Variants in LMO7 observed in about 807,000 individuals in gnomAD.
The protein encoded by LMO7 is LIM domain only protein 7.
In LMO7, 120 loss-of-function variants were observed where a neutral mutation model predicts 206.5. That is an observed-to-expected ratio of 0.58 (90% CI 0.50 to 0.68). LMO7 has a LOEUF of 0.68. Ranked by LOEUF, LMO7 falls within the 30% of genes least tolerant of loss-of-function variation. The pLI is 0.00. For synonymous variants in LMO7, 706 were observed against 681.5 expected, an observed-to-expected ratio of 1.04 and a Z score of -0.56; for missense variants, 1,959 against 1,957.9, an observed-to-expected ratio of 1.00 and a Z score of -0.01.
intron 3 of LMO7, among the ~76,000 whole-genome samples, chr13:75,728,779 A>G (rs1594571814): frequency 7.3e-6 from 1 of 136,706 alleles, no homozygotes; most frequent in Admixed American, 7.1e-5. Flanking sequence ...TAAGTCTTTA[A>G]TCCATCTTGA....
chr13:75,703,298 G>T (rs1037235982), intron 1 of LMO7, among the ~76,000 whole-genome samples: 22 of 152,172 alleles, frequency 1.4e-4, no homozygotes, highest in Admixed American at 1.4e-3. Context: ...CTGTATTTCA[G>T]CCAGTGAGAA....
intron 3 of LMO7, among the ~76,000 whole-genome samples, chr13:75,751,449 C>T (rs1258884175): frequency 1.3e-5 from 2 of 151,946 alleles, no homozygotes; most frequent in South Asian, 2.1e-4. Context: ...CATGAGCCAC[C>T]GCACCTGACC....
chr13:75,723,647 T>C (rs1007203703), intron 2 of LMO7, among the ~76,000 whole-genome samples: 6 of 152,314 alleles, frequency 3.9e-5, no homozygotes, highest in Middle Eastern at 3.4e-3. Context: ...AATTGAGTTA[T>C]ATTTAAAGTG....
chr13:75,799,742 CT>C (rs2054497517), intron 6 of LMO7, among the ~76,000 whole-genome samples: 1 of 152,120 alleles, frequency 6.6e-6, no homozygotes, highest in African/African-American at 2.4e-5. Flanking sequence ...ACAAAATTAT[CT>C]TCACCATATT....
At chr13:75,666,016 G>A (rs1182034305) in intron 1 of LMO7, among the ~76,000 whole-genome samples, 1 of 152,070 alleles carries the variant, frequency 6.6e-6, no homozygotes, top group African/African-American at 2.4e-5. Context: ...TAAAGTATTA[G>A]GATACTCCTC....
chr13:75,668,133 T>C (rs1365900355), intron 1 of LMO7, among the ~76,000 whole-genome samples: 1 of 152,128 alleles, frequency 6.6e-6, no homozygotes, highest in Non-Finnish European at 1.5e-5. Flanking sequence ...GCTTGAACAC[T>C]GGAGGTGCAG....
chr13:75,760,944 G>A lies in LMO7; in HGVS notation c.223G>A (p.Val75Ile), dbSNP rs143278199. The part of the protein sequence containing the change: ...TPIAGLDNIN[V>I]FLKACEQIGL... The stretch of plus-strand genomic sequence containing the variant: ...CTTCTTTTCACAGGATAATATAAAC[G>A]TTTTCTTGAAAGCTTGTGAACAGAT... Residue 75 changes from valine to isoleucine, a missense_variant, in exon 4 of 31, where the codon GTT (valine) becomes ATT (isoleucine). Physicochemically the swap from Val to Ile is conservative, Grantham distance 29. Coordinates refer to ENST00000377534, the MANE Select transcript of LMO7 (RefSeq NM_001306080.2). 1.9e-5 allele frequency: 30 copies of A among 1,613,170 alleles called. No individual in the cohort carries two copies. The African/African-American group carries it at 2.0e-4, about 11-fold the overall frequency.
chr13:75,849,126 A>C lies in LMO7; in HGVS notation c.4198A>C (p.Arg1400=). The C allele has an allele frequency of 6.2e-7, 1 of 1,613,176 alleles. No individual in the cohort carries two copies. Among genetic ancestry groups the C allele is most frequent in the Non-Finnish European group, 8.5e-7 (1 of 1,179,118 alleles). The change falls in exon 27 of 31, where the codon AGG becomes CGG. Residue 1400 remains arginine, a synonymous_variant. Coordinates refer to ENST00000377534, the MANE Select transcript of LMO7 (RefSeq NM_001306080.2). ...AATTGGGAACATGACCTCTTCACAG[A>C]GGAGATCCAAGAAAGAACAAGTACC... The part of the protein sequence containing the change: ...DQIGNMTSSQ[R]RSKKEQVPSG...
intron 15 of LMO7, among the ~76,000 whole-genome samples, chr13:75,826,938 C>G (rs1447758902): frequency 6.6e-6 from 1 of 152,102 alleles, no homozygotes; most frequent in Non-Finnish European, 1.5e-5. Flanking sequence ...ACTGCTCCCC[C>G]ATTTGAAGAT....
At position 75,665,112 on chromosome 13, in the gene LMO7, T is replaced by C. The variant is rs966548475; in HGVS notation, c.69+28386T>C. ...TAGTACTGTTTATTTTTGAGAAAAT[T>C]ATACTGACTGTTTTATAGTTAGTTT... On this transcript the variant is annotated intron_variant, in intron 1 of 30. Coordinates refer to ENST00000377534, the MANE Select transcript of LMO7 (RefSeq NM_001306080.2). Among the ~76,000 whole-genome samples the C allele has an allele frequency of 2.0e-5, 3 of 152,278 alleles. No homozygotes were observed. The South Asian group carries it at 6.2e-4, about 32-fold the overall frequency.
intron 26 of LMO7, among the ~76,000 whole-genome samples, chr13:75,847,820 G>C (rs1396010630): frequency 6.6e-6 from 1 of 152,132 alleles, no homozygotes; most frequent in Non-Finnish European, 1.5e-5. Context: ...GTGTGGCTCT[G>C]GCTGTGGAAC....
At chr13:75,670,766 C>G (rs539102928) in intron 1 of LMO7, among the ~76,000 whole-genome samples, 3 of 152,074 alleles carry the variant, frequency 2.0e-5, no homozygotes, top group African/African-American at 7.2e-5. Context: ...ACACTGTATA[C>G]TTACACTATA....
rs558879754 is a variant in LMO7, at chr13:75,641,389, C to T, written c.69+4663C>T. Among the ~76,000 whole-genome samples, 83 of 152,296 alleles carry T rather than the reference C, an allele frequency of 5.4e-4. No individual in the cohort carries two copies. The South Asian group carries it at 0.013, about 24-fold the overall frequency. On this transcript the variant is annotated intron_variant, in intron 1 of 30. Coordinates refer to ENST00000377534, the MANE Select transcript of LMO7 (RefSeq NM_001306080.2). ...TTACTGAAGTACCTTACTGAGGTAA[C>T]GTTTTACCTGCAGTGAAATGCACTG...
chr13:75,681,981 A>G (rs1183057217), intron 1 of LMO7, among the ~76,000 whole-genome samples: 2 of 151,640 alleles, frequency 1.3e-5, no homozygotes, highest in African/African-American at 4.8e-5. Context: ...TACGGTTTTT[A>G]TTTATCTGAG....
In LMO7 at chr13:75,834,308, A is replaced by C. The variant is rs1428510610; in HGVS notation, c.3147A>C (p.Ser1049=). 2 of 1,611,852 alleles carry C rather than the reference A, an allele frequency of 1.2e-6. No homozygotes were observed. Among genetic ancestry groups the C allele is most frequent in the African/African-American group, 1.3e-5 (1 of 74,796 alleles). The change falls in exon 17 of 31, where the codon TCA becomes TCC. Residue 1049 remains serine, a synonymous_variant. Coordinates refer to ENST00000377534, the MANE Select transcript of LMO7 (RefSeq NM_001306080.2). ...ACACCAAGTTTTCATATAACGATTC[A>C]AAAGAGTGGGAGGAAGCCATGGCTA... The part of the protein sequence containing the change: ...INNTKFSYND[S]KEWEEAMAKA...
At chr13:75,671,310 G>A (rs1365041325) in intron 1 of LMO7, among the ~76,000 whole-genome samples, 1 of 150,972 alleles carries the variant, frequency 6.6e-6, no homozygotes, top group East Asian at 1.9e-4. Context: ...AACTGTTCAT[G>A]CTATACATTT....
At chr13:75,737,489 C>T (rs1594648003) in intron 3 of LMO7, among the ~76,000 whole-genome samples, 2 of 148,378 alleles carry the variant, frequency 1.3e-5, no homozygotes, top group African/African-American at 5.0e-5. Context: ...CGCGGTGGCT[C>T]ACGCCTGTAA....
chr13:75,826,677 A>G (rs1023578979), intron 15 of LMO7, among the ~76,000 whole-genome samples: 1 of 152,156 alleles, frequency 6.6e-6, no homozygotes, highest in African/African-American at 2.4e-5. Context: ...GAGGTAATCA[A>G]CAATCCGAAT....
rs548649429 is a variant in LMO7 at position 75,858,137 on chromosome 13, G to A, written c.*194G>A. On this transcript the variant is annotated 3_prime_UTR_variant, in exon 31 of 31. Coordinates refer to ENST00000377534, the MANE Select transcript of LMO7 (RefSeq NM_001306080.2). Reference sequence around the variant, plus strand: ...AGTATTTTTGTTGTTTATTTATAAGGTAATTGTGTGTGGGGAAAAGTGCAG... The same window carrying A: ...AGTATTTTTGTTGTTTATTTATAAGATAATTGTGTGTGGGGAAAAGTGCAG... 154 of 498,434 alleles carry A rather than the reference G, an allele frequency of 3.1e-4. No homozygotes were observed. Among genetic ancestry groups the A allele is most frequent in the African/African-American group, 2.7e-3 (137 of 50,178 alleles). The allele number at this position is 498,434 out of a possible 1,614,324, so 30.9% of individuals were successfully genotyped here. A position where few individuals can be genotyped will look rare whatever the true frequency, so the allele number is the denominator to read the frequency against.
Sources: gnomAD v4.1 joint callset for allele counts (sites outside exome capture counted in the v4.1 genomes callset) on GRCh38, gnomAD v4.1.1 for gene constraint, MANE v1.5 for transcripts, NCBI Gene and HGNC (gene_info 2026-07-23, HGNC 2026-07-21) for gene names.